The following UBE2E2 variants were observed in gnomAD, a reference collection of about 807,000 sequenced individuals.
UBE2E2 encodes ubiquitin-conjugating enzyme E2 E2.
A neutral mutation model predicts 24.7 loss-of-function variants in UBE2E2; 6 were observed. That is an observed-to-expected ratio of 0.24 (90% CI 0.13 to 0.48). The LOEUF is 0.48. Ranked by LOEUF, UBE2E2 falls within the 20% of genes least tolerant of loss-of-function variation. UBE2E2 has a pLI of 0.99. For missense variants in UBE2E2, 169 were observed against 245.0 expected (o/e 0.69, Z 2.07); for synonymous variants, 104 against 83.6 (o/e 1.24, Z -1.33).
chr3:23,267,899 A>G (rs1171807570), intron 3 of UBE2E2, among the ~76,000 whole-genome samples: 148 of 151,324 alleles, frequency 9.8e-4, no homozygotes, highest in African/African-American at 1.4e-3. Context: ...GGCTGGTTCA[A>G]TATATGCAAA....
intron 3 of UBE2E2, among the ~76,000 whole-genome samples, chr3:23,243,499 G>C (rs1697309970): frequency 6.6e-6 from 1 of 151,848 alleles, no homozygotes; most frequent in Non-Finnish European, 1.5e-5. Flanking sequence ...ATTTTATTTT[G>C]TATTTGATGT....
In UBE2E2 at chr3:23,341,658, A is replaced by G. The variant is rs545994488; in HGVS notation, c.227+124346A>G. On this transcript the variant is annotated intron_variant, in intron 3 of 5. Transcript: ENST00000396703. ...AGCTACTCTTATCTGCATAAACTGT[A>G]TTCTAAAGCATAATCATTTCCCCTC... Among the ~76,000 whole-genome samples the G allele has an allele frequency of 1.0e-3, 153 of 152,298 alleles. 1 individual carries two copies. Among genetic ancestry groups the G allele is most frequent in the Non-Finnish European group, 8.1e-4 (55 of 67,996 alleles).
chr3:23,268,947 T>TG (rs1226134693), intron 3 of UBE2E2, among the ~76,000 whole-genome samples: 1 of 152,052 alleles, frequency 6.6e-6, no homozygotes, highest in Non-Finnish European at 1.5e-5. Flanking sequence ...AAACAAGCAA[T>TG]GGGGAAAGGA....
At chr3:23,295,156 T>C (rs889707344) in intron 3 of UBE2E2, among the ~76,000 whole-genome samples, 1 of 152,216 alleles carries the variant, frequency 6.6e-6, no homozygotes, top group South Asian at 2.1e-4. Flanking sequence ...TCAGCTGAGA[T>C]TGCTTTTTAA....
chr3:23,372,371 G>C (rs917893064), intron 3 of UBE2E2, among the ~76,000 whole-genome samples: 6 of 152,104 alleles, frequency 3.9e-5, no homozygotes, highest in African/African-American at 1.2e-4. Context: ...AGAAAAACTA[G>C]CCAATTTATT....
At chr3:23,305,937 C>G (rs887610850) in intron 3 of UBE2E2, among the ~76,000 whole-genome samples, 1 of 152,096 alleles carries the variant, frequency 6.6e-6, no homozygotes, top group Non-Finnish European at 1.5e-5. Context: ...TTGGTATTCT[C>G]TAAGACTATT....
At chr3:23,363,929 A>T (rs1325073605) in intron 3 of UBE2E2, among the ~76,000 whole-genome samples, 3 of 152,116 alleles carry the variant, frequency 2.0e-5, no homozygotes, top group Non-Finnish European at 4.4e-5. Context: ...AAAAAAAAAA[A>T]ACTTACCAAA....
At chr3:23,300,889 G>C (rs974568334) in intron 3 of UBE2E2, among the ~76,000 whole-genome samples, 11 of 152,124 alleles carry the variant, frequency 7.2e-5, no homozygotes, top group Non-Finnish European at 1.2e-4. Flanking sequence ...TTTCCCACTT[G>C]GTTCCATTCT....
At chr3:23,338,769 G>A (rs1390084) in intron 3 of UBE2E2, among the ~76,000 whole-genome samples, 127,659 of 151,872 alleles carry the variant, frequency 0.84, 53,783 homozygotes, top group African/African-American at 0.91. Flanking sequence ...AATAAAAAGT[G>A]GTATCCAGAT....
At chr3:23,329,620 G>C (rs150129264) in intron 3 of UBE2E2, among the ~76,000 whole-genome samples, 18 of 152,350 alleles carry the variant, frequency 1.2e-4, no homozygotes, top group African/African-American at 3.4e-4. Flanking sequence ...ATTGGAGCCG[G>C]TGGCTCAGAC....
At chr3:23,368,866 G>C (rs1696327687) in intron 3 of UBE2E2, among the ~76,000 whole-genome samples, 1 of 152,102 alleles carries the variant, frequency 6.6e-6, no homozygotes, top group Admixed American at 6.5e-5. Flanking sequence ...CAAAGAGAAT[G>C]GTGTACCATT....
chr3:23,382,635 A>G (rs1262417548), intron 3 of UBE2E2, among the ~76,000 whole-genome samples: 2 of 152,196 alleles, frequency 1.3e-5, no homozygotes, highest in East Asian at 3.8e-4. Context: ...TACATTTTCT[A>G]TTCCTAACCA....
chr3:23,233,403 G>T (rs1460732152), intron 3 of UBE2E2, among the ~76,000 whole-genome samples: 1 of 152,084 alleles, frequency 6.6e-6, no homozygotes, highest in African/African-American at 2.4e-5. Context: ...TGAAGTGGGT[G>T]GAATAGAATA....
chr3:23,346,259 GA>G (rs1695552514), intron 3 of UBE2E2, among the ~76,000 whole-genome samples: 2 of 152,172 alleles, frequency 1.3e-5, no homozygotes, highest in Non-Finnish European at 2.9e-5. Context: ...TGAGCCATAT[GA>G]AAATTTGTCC....
At chr3:23,482,251 C>T (rs1236389262) in intron 3 of UBE2E2, among the ~76,000 whole-genome samples, 1 of 151,992 alleles carries the variant, frequency 6.6e-6, no homozygotes, top group African/African-American at 2.4e-5. Context: ...AAGAGGGTGC[C>T]CTCTAGAAAT....
intron 3 of UBE2E2, among the ~76,000 whole-genome samples, chr3:23,322,205 A>T (rs888030178): frequency 6.6e-6 from 1 of 152,206 alleles, no homozygotes; most frequent in African/African-American, 2.4e-5. Context: ...TTTCATAGTG[A>T]ACTTAATAGT....
intron 3 of UBE2E2, among the ~76,000 whole-genome samples, chr3:23,306,912 T>A (rs1192792044): frequency 6.6e-6 from 1 of 152,168 alleles, no homozygotes; most frequent in Non-Finnish European, 1.5e-5. Context: ...AAACATTAAT[T>A]CAGCAAGAGA....
chr3:23,496,687 A>G lies in UBE2E2; in HGVS notation c.228-2921A>G, dbSNP rs9631544. Among the ~76,000 whole-genome samples, 1,225 of 152,114 alleles carry G rather than the reference A, an allele frequency of 8.1e-3. 17 individuals carry two copies. The highest frequency in any genetic ancestry group is 0.028 in the African/African-American group (1,149 of 41,480). On this transcript the variant is annotated intron_variant, in intron 3 of 5. Transcript: ENST00000396703. Reference sequence around the variant, plus strand: ...TCAGTAGCCATTTGTGTTGTTTCCAATTTTGCTATTATAAATAGTGCTTCA... The same window carrying G: ...TCAGTAGCCATTTGTGTTGTTTCCAGTTTTGCTATTATAAATAGTGCTTCA...
intron 3 of UBE2E2, among the ~76,000 whole-genome samples, chr3:23,440,500 G>A (rs961549657): frequency 3.3e-5 from 5 of 152,102 alleles, no homozygotes; most frequent in African/African-American, 9.7e-5. Context: ...ATCTGTAAAC[G>A]GACCCACGTT....
Sources: gnomAD v4.1 joint callset for allele counts (sites outside exome capture counted in the v4.1 genomes callset) on GRCh38, gnomAD v4.1.1 for gene constraint, MANE v1.5 for transcripts, NCBI Gene and HGNC (gene_info 2026-07-23, HGNC 2026-07-21) for gene names.